Variants in FRMPD3 observed in about 807,000 individuals in gnomAD.
The protein encoded by FRMPD3 is FERM and PDZ domain containing 3.
Under a neutral mutation model 97.9 loss-of-function variants are expected in FRMPD3, and 42 were observed. That is an observed-to-expected ratio of 0.43 (90% CI 0.34 to 0.55). The LOEUF (loss-of-function observed/expected upper bound fraction) is 0.55, where lower values mean the gene tolerates loss of function less well. Ranked by LOEUF, FRMPD3 falls within the 20% of genes least tolerant of loss-of-function variation. The pLI is 0.03. For missense variants in FRMPD3, 1,303 were observed against 1,457.7 expected (o/e 0.89, Z 1.73); for synonymous variants, 577 against 581.1 (o/e 0.99, Z 0.10).
At chrX:107,465,377 A>G (rs1931540186) in intron 1 of FRMPD3, among the ~76,000 whole-genome samples, 1 of 111,306 alleles carries the variant, frequency 9.0e-6, no homozygotes, top group African/African-American at 3.3e-5. Context: ...AGGCTGAGGG[A>G]GGAGAATGAC....
rs192971979 is a variant in FRMPD3 at position 107,576,601 on chromosome X, A to T, written c.1441+142A>T. The stretch of plus-strand genomic sequence containing the variant: ...CCAGGAGCCAACACTGTACCACTAT[A>T]TCCTAGCTGGCACAGCCCAGTGGGA... On this transcript the variant is annotated intron_variant, in intron 13 of 14. Transcript: ENST00000683843. The T allele has an allele frequency of 4.5e-5, 28 of 619,936 alleles. No individual in the cohort carries two copies. In the East Asian group the frequency reaches 9.6e-4, roughly 21 times the overall value. 51.1% of individuals were successfully genotyped at this position (619,936 alleles called of 1,213,427 possible).
At position 107,554,467 on chromosome X, in the gene FRMPD3, G is replaced by T; in HGVS notation, c.725G>T (p.Arg242Leu). 1 of 1,210,053 alleles carries T rather than the reference G, an allele frequency of 8.3e-7. No individual in the cohort carries two copies. The highest frequency in any genetic ancestry group is 1.1e-6 in the Non-Finnish European group (1 of 895,007). ...CCCAAAGACCCTGTGGAGCTGCTGC[G>T]TCGGGATCCTGCTGCTTTTGAGTAC... Reference protein sequence around the residue: ...FFPKDPVELLRRDPAAFEYLY... With the variant: ...FFPKDPVELLLRDPAAFEYLY... Residue 242 changes from arginine to leucine, a missense_variant, in exon 8 of 15, where the codon CGT (arginine) becomes CTT (leucine). Around this residue, in one of 3 missense-constraint regions of FRMPD3, gnomAD observed 535 missense variants for 618.6 expected, o/e 0.86. Coordinates refer to ENST00000683843, the MANE Select transcript of FRMPD3 (RefSeq NM_001388459.1).
Position 107,512,071 on chromosome X carries a change from A to G in FRMPD3, c.-7-14511A>G, listed in dbSNP as rs183709915. ...CACACACACACGCGCACACACACACACACTCACACTCACACTACAGCCTCC... is the reference window on the plus strand; with the variant it reads ...CACACACACACGCGCACACACACACGCACTCACACTCACACTACAGCCTCC... On this transcript the variant is annotated intron_variant, in intron 1 of 14. Coordinates refer to ENST00000683843, the MANE Select transcript of FRMPD3 (RefSeq NM_001388459.1). 2.3e-3 allele frequency among the ~76,000 whole-genome samples: 252 copies of G among 108,355 alleles called. 2 individuals are homozygous for G. Among genetic ancestry groups the G allele is most frequent in the African/African-American group, 8.2e-3 (242 of 29,624 alleles). The allele number at this position is 108,355 out of a possible 115,157, so 94.1% of individuals were successfully genotyped here.
chrX:107,558,095 A>G (rs1363277708), intron 8 of FRMPD3, among the ~76,000 whole-genome samples: 1 of 108,570 alleles, frequency 9.2e-6, no homozygotes, highest in Non-Finnish European at 1.9e-5. Context: ...GAAACTATAG[A>G]TCAATTTGGG....
At chrX:107,501,274 C>G (rs1418815042) in intron 1 of FRMPD3, among the ~76,000 whole-genome samples, 5 of 105,857 alleles carry the variant, frequency 4.7e-5, no homozygotes, top group African/African-American at 1.7e-4. Context: ...CACATCCACT[C>G]TACCTTCAGT....
At chrX:107,465,692 G>T (rs1931547682) in intron 1 of FRMPD3, among the ~76,000 whole-genome samples, 1 of 111,097 alleles carries the variant, frequency 9.0e-6, no homozygotes, top group East Asian at 2.8e-4. Context: ...CTTCCCTATG[G>T]CCTGGTGGTT....
At chrX:107,593,310 A>G (rs1326453510) in intron 13 of FRMPD3, among the ~76,000 whole-genome samples, 2 of 111,197 alleles carry the variant, frequency 1.8e-5, no homozygotes, top group African/African-American at 3.3e-5. Context: ...TGTTGGATGC[A>G]TAGTTTGCAA....
At chrX:107,485,154 A>G (rs907258991) in intron 1 of FRMPD3, among the ~76,000 whole-genome samples, 1 of 112,943 alleles carries the variant, frequency 8.9e-6, no homozygotes, top group Non-Finnish European at 1.9e-5. Context: ...CCAGTGGGCT[A>G]GGCCAACCAA....
chrX:107,503,415 G>C (rs762844156), intron 1 of FRMPD3, among the ~76,000 whole-genome samples: 2 of 112,235 alleles, frequency 1.8e-5, no homozygotes, highest in East Asian at 5.6e-4. Flanking sequence ...CTGAGGCCTA[G>C]GAAGGGAAGG....
At chrX:107,511,930 C>T (rs1026894405) in intron 1 of FRMPD3, among the ~76,000 whole-genome samples, 3 of 111,684 alleles carry the variant, frequency 2.7e-5, no homozygotes, top group African/African-American at 9.8e-5. Context: ...GGGAAGAATT[C>T]AGGCCTGCTG....
Position 107,597,418 on chromosome X carries a change from G to C in FRMPD3, c.1539G>C (p.Ser513=). ...VGSVGTSPRK[S]SRCTPPPADS... ...GCGTGGGCACCAGCCCCAGGAAATC[G>C]AGCCGCTGCACGCCCCCACCTGCCG... Residue 513 remains serine (S), a synonymous_variant, in exon 14 of 15, where the codon TCG becomes TCC. Transcript: ENST00000683843. 1 of 1,210,735 alleles carries C rather than the reference G, an allele frequency of 8.3e-7. No homozygotes were observed. The highest frequency in any genetic ancestry group is 3.0e-5 in the East Asian group (1 of 33,854).
intron 1 of FRMPD3, among the ~76,000 whole-genome samples, chrX:107,455,297 G>A (rs769417110): frequency 8.9e-6 from 1 of 112,292 alleles, no homozygotes; most frequent in Non-Finnish European, 1.9e-5. Context: ...GCTCAGGCCT[G>A]TAATCCTAAC....
chrX:107,571,057 G>C (rs973667614), intron 12 of FRMPD3, among the ~76,000 whole-genome samples: 3 of 111,962 alleles, frequency 2.7e-5, no homozygotes, highest in Non-Finnish European at 5.6e-5. Flanking sequence ...TTCTTCAAGA[G>C]ATGGCAGCCT....
Position 107,512,627 on chromosome X carries a change from C to T in FRMPD3, c.-7-13955C>T, listed in dbSNP as rs142682373. The stretch of plus-strand genomic sequence containing the variant: ...CTTTCCCTTCATTCCTCATCTCTCC[C>T]GTTCTGGCTCAGTCAATCCCTATAT... On this transcript the variant is annotated intron_variant, in intron 1 of 14. Coordinates refer to ENST00000683843, the MANE Select transcript of FRMPD3 (RefSeq NM_001388459.1). 8.6e-3 allele frequency among the ~76,000 whole-genome samples: 963 copies of T among 111,383 alleles called. 3 individuals carry two copies. Among genetic ancestry groups the T allele is most frequent in the African/African-American group, 0.028 (846 of 30,585 alleles).
At chrX:107,530,348 C>G (rs1922884654) in intron 2 of FRMPD3, 61 bp from the exon 3 acceptor site, 2 of 963,823 alleles carry the variant, frequency 2.1e-6, no homozygotes, top group Non-Finnish European at 2.9e-6. Context: ...GGGACTTGCC[C>G]AGACCTGGAC....
chrX:107,546,770 G>A (rs1921624118), intron 5 of FRMPD3, among the ~76,000 whole-genome samples: 1 of 112,400 alleles, frequency 8.9e-6, no homozygotes, highest in Non-Finnish European at 1.9e-5. Flanking sequence ...GTGATGGGCA[G>A]AGCTGTCTGG....
At position 107,525,688 on chromosome X, in the gene FRMPD3, C is replaced by G. The variant is rs904831477; in HGVS notation, c.-7-894C>G. 5 of 556,663 alleles carry G rather than the reference C, an allele frequency of 9.0e-6. No individual in the cohort carries two copies. In the Admixed American group the frequency reaches 1.1e-4, roughly 12 times the overall value. 45.9% of individuals were successfully genotyped at this position (556,663 alleles called of 1,213,427 possible). ...AACTGAAAGAAGTTGGCATTATGGA[C>G]AATTTTGGTCCCAGACATTAGCACA... On this transcript the variant is annotated intron_variant, in intron 1 of 14. Coordinates refer to ENST00000683843, the MANE Select transcript of FRMPD3 (RefSeq NM_001388459.1).
chrX:107,462,781 G>A (rs1302509390), intron 1 of FRMPD3, among the ~76,000 whole-genome samples: 2 of 111,782 alleles, frequency 1.8e-5, no homozygotes, highest in Non-Finnish European at 3.8e-5. Flanking sequence ...CATATTAAAG[G>A]GAAATCTCTC....
chrX:107,575,812 C>G (rs1175715484), intron 12 of FRMPD3, among the ~76,000 whole-genome samples: 1 of 112,222 alleles, frequency 8.9e-6, no homozygotes, highest in Non-Finnish European at 1.9e-5. Flanking sequence ...GGCAGAGTTA[C>G]AACTTGATTC....
Sources: gnomAD v4.1 joint callset for allele counts (sites outside exome capture counted in the v4.1 genomes callset) on GRCh38, gnomAD v4.1.1 for gene constraint, gnomAD v4.1.1 regional missense constraint, MANE v1.5 for transcripts, NCBI Gene and HGNC (gene_info 2026-07-23, HGNC 2026-07-21) for gene names.